ATG5: variants seen among roughly 807,000 people sequenced by gnomAD.
The protein encoded by ATG5 is autophagy protein 5.
A neutral mutation model predicts 36.5 loss-of-function variants in ATG5; 14 were observed. That is an observed-to-expected ratio of 0.38 (90% CI 0.25 to 0.60). ATG5 has a LOEUF of 0.60. ATG5 is among the 20% of genes least tolerant of loss of function. ATG5 has a pLI of 0.60. For missense variants in ATG5, 195 were observed against 326.7 expected, an observed-to-expected ratio of 0.60 and a Z score of 3.11; for synonymous variants, 95 against 101.5, an observed-to-expected ratio of 0.94 and a Z score of 0.38.
intron 4 of ATG5, among the ~76,000 whole-genome samples, chr6:106,285,070 A>G (rs1780025079): frequency 6.6e-6 from 1 of 152,100 alleles, no homozygotes; most frequent in Non-Finnish European, 1.5e-5. Context: ...AGACTGCCTG[A>G]TATTATCCCA....
chr6:106,201,997 A>C lies in ATG5; in HGVS notation c.666T>G (p.Val222=). The C allele has an allele frequency of 6.2e-7, 1 of 1,612,352 alleles. No homozygotes were observed. Among genetic ancestry groups the C allele is most frequent in the Non-Finnish European group, 8.5e-7 (1 of 1,178,952 alleles). Residue 222 remains valine (V), a synonymous_variant, in exon 7 of 8, where the codon GTT becomes GTG. Coordinates refer to ENST00000369076, the MANE Select transcript of ATG5 (RefSeq NM_004849.4). The part of the protein sequence containing the change: ...LHTLGDLLKE[V]CPSAIDPEDG... ...CTTCAGGATCAATAGCAGAAGGACA[A>C]ACTTCTTTGAGGAGATCTCCTAGTG...
At chr6:106,305,014 C>G (rs1038975721) in intron 3 of ATG5, among the ~76,000 whole-genome samples, 4 of 151,762 alleles carry the variant, frequency 2.6e-5, no homozygotes, top group African/African-American at 7.3e-5. Flanking sequence ...TCACTTGAAC[C>G]CGGGAGGTGG....
chr6:106,226,043 C>T (rs1009988917), intron 6 of ATG5, among the ~76,000 whole-genome samples: 4 of 152,138 alleles, frequency 2.6e-5, no homozygotes, highest in African/African-American at 7.2e-5. Context: ...CTATGGGAAA[C>T]CCTGAGGCTC....
At chr6:106,253,130 C>A (rs1778663978) in intron 5 of ATG5, among the ~76,000 whole-genome samples, 1 of 152,092 alleles carries the variant, frequency 6.6e-6, no homozygotes, top group African/African-American at 2.4e-5. Flanking sequence ...CTCTGTAAGA[C>A]AAAACAGGAG....
At chr6:106,325,429 C>G (rs73761684) in intron 1 of ATG5, 97 bp downstream of exon 1, 60 of 152,670 alleles carry the variant, frequency 3.9e-4, no homozygotes, top group African/African-American at 1.4e-3. Flanking sequence ...CTCCTCCAGG[C>G]AACTACTCAC....
chr6:106,207,984 C>T (rs936030190), intron 6 of ATG5, among the ~76,000 whole-genome samples: 3 of 152,058 alleles, frequency 2.0e-5, no homozygotes, highest in Non-Finnish European at 2.9e-5. Context: ...CCCAGCTACT[C>T]GGGAGGCTGA....
intron 6 of ATG5, among the ~76,000 whole-genome samples, chr6:106,238,610 C>T (rs546975028): frequency 6.5e-4 from 99 of 152,182 alleles, no homozygotes; most frequent in African/African-American, 2.3e-3. Flanking sequence ...AGCAGGCATA[C>T]GAACAGAAAA....
intron 7 of ATG5, among the ~76,000 whole-genome samples, chr6:106,190,164 T>C (rs947312867): frequency 2.1e-4 from 32 of 152,232 alleles, no homozygotes; most frequent in African/African-American, 7.2e-4. Context: ...AGGACTGTCT[T>C]AGTCTGTCTG....
intron 5 of ATG5, among the ~76,000 whole-genome samples, chr6:106,268,856 A>G (rs1388201103): frequency 1.3e-5 from 2 of 151,838 alleles, no homozygotes; most frequent in Admixed American, 6.6e-5. Flanking sequence ...GGAGAGGAAC[A>G]TCACACACAC....
Position 106,316,093 on chromosome 6 carries a change from G to C in ATG5, c.108+8C>G. On this transcript the variant is annotated splice_region_variant and intron_variant, in intron 2 of 7. Coordinates refer to ENST00000369076, the MANE Select transcript of ATG5 (RefSeq NM_004849.4). ...AAATATCCCATTTGCCACAATCAAT[G>C]TACTTACATAGTATGGTTCTGCTTC... 1 of 1,597,020 alleles carries C rather than the reference G, an allele frequency of 6.3e-7. No homozygotes were observed. Among genetic ancestry groups the C allele is most frequent in the Non-Finnish European group, 8.6e-7 (1 of 1,169,476 alleles).
At chr6:106,190,124 T>C (rs9486301) in intron 7 of ATG5, among the ~76,000 whole-genome samples, 26,495 of 152,148 alleles carry the variant, frequency 0.17, 2,708 homozygotes, top group African/African-American at 0.28. Flanking sequence ...ATCCCAATAA[T>C]GTATTTTTCT....
chr6:106,273,276 C>G (rs548946762), intron 5 of ATG5, among the ~76,000 whole-genome samples: 11 of 152,258 alleles, frequency 7.2e-5, no homozygotes, highest in Admixed American at 5.9e-4. Flanking sequence ...GTAGCTGCAT[C>G]AAGTCTAAAA....
chr6:106,245,995 C>T (rs1221148580), intron 6 of ATG5, among the ~76,000 whole-genome samples: 3 of 151,838 alleles, frequency 2.0e-5, no homozygotes, highest in Non-Finnish European at 2.9e-5. Context: ...AGACTGAATA[C>T]CAAATAGGGA....
chr6:106,313,093 G>A (rs73761678), intron 2 of ATG5, among the ~76,000 whole-genome samples: 3,743 of 152,212 alleles, frequency 0.025, 64 homozygotes, highest in African/African-American at 0.049. Flanking sequence ...GGTGGAGGTG[G>A]GAGAAGATCA....
At chr6:106,221,333 T>C (rs1777238073) in intron 6 of ATG5, among the ~76,000 whole-genome samples, 1 of 152,234 alleles carries the variant, frequency 6.6e-6, no homozygotes, top group South Asian at 2.1e-4. Context: ...AGAACAGCTC[T>C]ATTTTCAACA....
intron 1 of ATG5, among the ~76,000 whole-genome samples, chr6:106,322,843 T>C (rs942792037): frequency 1.3e-5 from 2 of 152,234 alleles, no homozygotes; most frequent in African/African-American, 2.4e-5. Flanking sequence ...CCACCACATA[T>C]GACATTTCCA....
chr6:106,267,912 T>C (rs957645403), intron 5 of ATG5, among the ~76,000 whole-genome samples: 1 of 152,182 alleles, frequency 6.6e-6, no homozygotes, highest in African/African-American at 2.4e-5. Context: ...GGTAATACCA[T>C]TCAGGACATA....
At chr6:106,266,189 C>T (rs774012853) in intron 5 of ATG5, among the ~76,000 whole-genome samples, 79 of 152,160 alleles carry the variant, frequency 5.2e-4, no homozygotes, top group Non-Finnish European at 9.1e-4. Context: ...CACAAAAATA[C>T]AAACCACCAT....
At chr6:106,309,939 C>A (rs1306661829) in intron 2 of ATG5, among the ~76,000 whole-genome samples, 2 of 152,040 alleles carry the variant, frequency 1.3e-5, no homozygotes, top group African/African-American at 4.8e-5. Context: ...AGGGAAGAAA[C>A]ACCACAGCTA....
Sources: allele counts gnomAD v4.1 joint callset (sites outside exome capture counted in the v4.1 genomes callset), GRCh38; gene constraint gnomAD v4.1.1; transcripts MANE v1.5; gene names NCBI Gene and HGNC (gene_info 2026-07-23, HGNC 2026-07-21).